The following PPP2R2B variants were observed in gnomAD, a reference collection of about 807,000 sequenced individuals.
The protein encoded by PPP2R2B is serine/threonine-protein phosphatase 2A 55 kDa regulatory subunit B beta isoform.
PPP2R2B carries 5 observed loss-of-function variants against 46.0 expected under a neutral mutation model. The ratio of observed to expected loss-of-function variants is 0.11; its 90% CI spans 0.06 to 0.23. The LOEUF is 0.23. Among genes scored for constraint, PPP2R2B ranks in the 10% least tolerant of loss-of-function variants. The pLI is 1.00. For synonymous variants in PPP2R2B, 215 were observed against 206.7 expected (o/e 1.04, Z -0.34); for missense variants, 367 against 575.0 (o/e 0.64, Z 3.70).
intron 5 of PPP2R2B, among the ~76,000 whole-genome samples, chr5:146,674,867 C>T (rs1298895715): frequency 1.3e-5 from 2 of 152,170 alleles, no homozygotes; most frequent in African/African-American, 4.8e-5. Flanking sequence ...TTGAGCTTTG[C>T]TGTACAAGTT....
At chr5:146,621,033 G>T (rs1773642840) in intron 7 of PPP2R2B, among the ~76,000 whole-genome samples, 1 of 152,220 alleles carries the variant, frequency 6.6e-6, no homozygotes, top group Admixed American at 6.5e-5. Flanking sequence ...CACTGACAGT[G>T]ATCTCCCTGC....
rs568295932 is a variant in PPP2R2B at position 146,641,538 on chromosome 5, A to G, written c.626-3123T>C. ...TTTTTTTTTTTTTTTTTGAAGCAGA[A>G]TTTGGGACACAAGCCTGATAAGGGA... On this transcript the variant is annotated intron_variant, in intron 6 of 9. Transcript: ENST00000394411. Among the ~76,000 whole-genome samples, 520 of 142,400 alleles carry G rather than the reference A, an allele frequency of 3.7e-3. 5 individuals carry two copies. The highest frequency in any genetic ancestry group is 0.014 in the African/African-American group (499 of 35,822). 93.4% of individuals were successfully genotyped at this position (142,400 alleles called of 152,430 possible).
intron 1 of PPP2R2B, among the ~76,000 whole-genome samples, chr5:146,985,698 T>C (rs1002467909): frequency 1.3e-5 from 2 of 152,126 alleles, no homozygotes; most frequent in African/African-American, 4.8e-5. Context: ...TATTATTCAA[T>C]GTAGTATTGA....
At position 146,973,195 on chromosome 5, in the gene PPP2R2B, C is replaced by T. The variant is rs550037136; in HGVS notation, c.79+82470G>A. Among the ~76,000 whole-genome samples, 305 of 152,090 alleles carry T rather than the reference C, an allele frequency of 2.0e-3. 2 individuals are homozygous for T. Among genetic ancestry groups the T allele is most frequent in the African/African-American group, 6.7e-3 (279 of 41,484 alleles). On this transcript the variant is annotated intron_variant, in intron 1 of 8. Coordinates refer to the PPP2R2B transcript ENST00000336640. ...CTTTTTCTTGTGGTTACTTGGTTGT[C>T]CCAGTAGCAATTTATGGCCTATTTT...
chr5:146,887,449 CTATT>C (rs1287093013), intron 1 of PPP2R2B, among the ~76,000 whole-genome samples: 1 of 152,030 alleles, frequency 6.6e-6, no homozygotes, highest in Non-Finnish European at 1.5e-5. Context: ...AGCCTCAAAA[CTATT>C]TAAAGTTATA....
chr5:146,994,507 C>T (rs1401832402), intron 1 of PPP2R2B, among the ~76,000 whole-genome samples: 3 of 152,116 alleles, frequency 2.0e-5, no homozygotes, highest in Admixed American at 1.3e-4. Flanking sequence ...AATTCTTAAG[C>T]AGTTTAGTAC....
chr5:146,761,318 G>A (rs7708437), intron 2 of PPP2R2B, among the ~76,000 whole-genome samples: 26,295 of 152,090 alleles, frequency 0.17, 4,108 homozygotes, highest in African/African-American at 0.42. Context: ...TATACACCAT[G>A]GAATACTATG....
intron 2 of PPP2R2B, among the ~76,000 whole-genome samples, chr5:146,723,960 C>T (rs1351453762): frequency 6.6e-6 from 1 of 152,138 alleles, no homozygotes; most frequent in Non-Finnish European, 1.5e-5. Context: ...TTCGTGCCAA[C>T]ATTTCCTGAG....
At chr5:146,981,810 C>T (rs1328430332) in intron 1 of PPP2R2B, among the ~76,000 whole-genome samples, 1 of 152,076 alleles carries the variant, frequency 6.6e-6, no homozygotes, top group Non-Finnish European at 1.5e-5. Context: ...TTTGTCTTTG[C>T]AAGAATGTTA....
At chr5:147,052,550 T>C (rs1331246321) in intron 1 of PPP2R2B, among the ~76,000 whole-genome samples, 1 of 152,108 alleles carries the variant, frequency 6.6e-6, no homozygotes, top group Admixed American at 6.6e-5. Context: ...GAGCTTGAGC[T>C]GAGAGTTGAA....
chr5:147,077,417 T>C (rs1757823342), intron 2 of PPP2R2B, among the ~76,000 whole-genome samples: 1 of 151,774 alleles, frequency 6.6e-6, no homozygotes, highest in South Asian at 2.1e-4. Flanking sequence ...CTTGCCAAGG[T>C]AACTGGCTAG....
At chr5:146,881,882 C>T (rs1463658009), upstream of PPP2R2B, among the ~76,000 whole-genome samples, 1 of 152,138 alleles carries the variant, frequency 6.6e-6, no homozygotes, top group Admixed American at 6.5e-5. Flanking sequence ...CTGTTGTGAG[C>T]TGGAAATTTT....
At chr5:146,727,998 AT>A (rs1245499891) in intron 2 of PPP2R2B, among the ~76,000 whole-genome samples, 1 of 152,076 alleles carries the variant, frequency 6.6e-6, no homozygotes, top group African/African-American at 2.4e-5. Flanking sequence ...GGAGTTTAAA[AT>A]TTTACTTTTG....
chr5:146,730,205 G>A (rs1217360590), intron 2 of PPP2R2B, among the ~76,000 whole-genome samples: 1 of 152,198 alleles, frequency 6.6e-6, no homozygotes, highest in Non-Finnish European at 1.5e-5. Context: ...TCAGACACTT[G>A]CATAGGCTCA....
At chr5:146,967,766 G>T (rs1348804722) in intron 1 of PPP2R2B, among the ~76,000 whole-genome samples, 1 of 151,332 alleles carries the variant, frequency 6.6e-6, no homozygotes, top group Non-Finnish European at 1.5e-5. Context: ...CCTCCCTCCC[G>T]GTTTGCAGTC....
At chr5:146,825,551 T>C (rs1328378775) in intron 2 of PPP2R2B, among the ~76,000 whole-genome samples, 1 of 152,258 alleles carries the variant, frequency 6.6e-6, no homozygotes, top group East Asian at 1.9e-4. Context: ...AAGTGTTTTT[T>C]CTTTCCAAAC....
At position 146,954,710 on chromosome 5, in the gene PPP2R2B, G is replaced by A. The variant is rs114128160; in HGVS notation, c.79+100955C>T. Among the ~76,000 whole-genome samples, 1,103 of 151,502 alleles carry A rather than the reference G, an allele frequency of 7.3e-3. 11 individuals carry two copies. The highest frequency in any genetic ancestry group is 0.025 in the African/African-American group (1,051 of 41,304). Reference sequence around the variant, plus strand: ...AGCCGAGATCTTTAGAGAAACACACGCACCAGTACATATGTGTATGTATAC... The same window carrying A: ...AGCCGAGATCTTTAGAGAAACACACACACCAGTACATATGTGTATGTATAC... On this transcript the variant is annotated intron_variant, in intron 1 of 8. Transcript: ENST00000336640.
In PPP2R2B at chr5:146,700,882, A is replaced by G. The variant is rs573286718; in HGVS notation, c.168+163T>C. On this transcript the variant is annotated intron_variant, in intron 3 of 9. Transcript: ENST00000394411. ...AAAGGCTCTCTTTTACAGGGCTTTT[A>G]TGAGTCTGAATGTATAACAGTTGAT... 1.5e-3 allele frequency among the ~76,000 whole-genome samples: 230 copies of G among 152,294 alleles called. 2 individuals carry two copies. Among genetic ancestry groups the G allele is most frequent in the Non-Finnish European group, 2.1e-4 (14 of 68,026 alleles).
intron 2 of PPP2R2B, among the ~76,000 whole-genome samples, chr5:146,705,240 TA>T (rs1779764106): frequency 6.6e-6 from 1 of 152,212 alleles, no homozygotes; most frequent in East Asian, 1.9e-4. Flanking sequence ...ATCAGCTGAC[TA>T]GTTCTGCCTA....
Sources: gnomAD v4.1 joint callset for allele counts (sites outside exome capture counted in the v4.1 genomes callset) on GRCh38, gnomAD v4.1.1 for gene constraint, MANE v1.5 for transcripts, NCBI Gene and HGNC (gene_info 2026-07-23, HGNC 2026-07-21) for gene names.